Variants in PCDHA3 observed in about 807,000 individuals in gnomAD.
PCDHA3 encodes the protein protocadherin alpha 3, also known as protocadherin alpha-3.
Under a neutral mutation model 62.2 loss-of-function variants are expected in PCDHA3, and 41 were observed. That is an observed-to-expected ratio of 0.66 (90% CI 0.51 to 0.86). The LOEUF is 0.86. Among genes scored for constraint, PCDHA3 ranks in the 40% least tolerant of loss-of-function variants. The probability of loss-of-function intolerance (pLI) is 0.00; values close to 1 mark genes in which losing one functional copy is unlikely to be tolerated. For missense variants in PCDHA3, 1,304 were observed against 1,241.2 expected (o/e 1.05, Z -0.76); for synonymous variants, 640 against 555.4 (o/e 1.15, Z -2.14).
In PCDHA3 at chr5:140,844,977, T is replaced by C. The variant is rs1326529919; in HGVS notation, c.2394+41386T>C. On this transcript the variant is annotated intron_variant, in intron 1 of 3. Transcript: ENST00000522353. ...TTCTTACAGTTTGTTATTAGTATTGTTTTAAATCTTTTAATCACTTATGAA... is the reference window on the plus strand; with the variant it reads ...TTCTTACAGTTTGTTATTAGTATTGCTTTAAATCTTTTAATCACTTATGAA... 1.3e-5 allele frequency among the ~76,000 whole-genome samples: 2 copies of C among 149,260 alleles called. 1 individual carries two copies. Among genetic ancestry groups the C allele is most frequent in the Non-Finnish European group, 3.0e-5 (2 of 66,708 alleles).
chr5:140,808,751 C>T (rs782107494), intron 1 of PCDHA3: 1 of 1,612,214 alleles, frequency 6.2e-7, no homozygotes, highest in South Asian at 1.1e-5. Flanking sequence ...CGCGCTGCAG[C>T]CGCTGGACCA....
At chr5:140,890,276 TC>T (rs1173106367) in intron 1 of PCDHA3, among the ~76,000 whole-genome samples, 2 of 152,136 alleles carry the variant, frequency 1.3e-5, no homozygotes, top group Non-Finnish European at 2.9e-5. Context: ...CAAGAACCAC[TC>T]AGTTGAGTCA....
chr5:140,897,722 T>G (rs1236534951), intron 1 of PCDHA3, among the ~76,000 whole-genome samples: 10 of 152,162 alleles, frequency 6.6e-5, no homozygotes, highest in Admixed American at 6.5e-4. Context: ...GATGGCTGGG[T>G]CAAATAGTAT....
intron 1 of PCDHA3, among the ~76,000 whole-genome samples, chr5:140,959,893 T>A (rs782431808): frequency 6.6e-6 from 1 of 152,194 alleles, no homozygotes; most frequent in Non-Finnish European, 1.5e-5. Flanking sequence ...CGAGTGGGAT[T>A]TATATCAGAA....
At chr5:140,870,631 C>G (rs1554164498) in intron 1 of PCDHA3, 5 of 1,612,864 alleles carry the variant, frequency 3.1e-6, no homozygotes, top group Middle Eastern at 1.7e-4. Flanking sequence ...CGTGTCGGTG[C>G]ACGCGGAGAG....
intron 3 of PCDHA3, among the ~76,000 whole-genome samples, chr5:141,002,380 G>T (rs1284047266): frequency 2.0e-5 from 3 of 152,196 alleles, no homozygotes; most frequent in Non-Finnish European, 2.9e-5. Context: ...CTGGCTTAGG[G>T]CTCCTGCTGG....
Position 140,828,892 on chromosome 5 carries a change from T to C in PCDHA3, c.2394+25301T>C, listed in dbSNP as rs2150160259. ...CAACAGTTATCAGACTGAATGCTTC[T>C]GATCGGGATGAAGGAGCGAATGGGG... is the stretch of plus-strand genomic sequence containing the variant. On this transcript the variant is annotated intron_variant, in intron 1 of 3. Coordinates refer to ENST00000522353, the MANE Select transcript of PCDHA3 (RefSeq NM_018906.3). The C allele has an allele frequency of 1.9e-6, 3 of 1,614,124 alleles. No homozygotes were observed. In the South Asian group the frequency reaches 3.3e-5, roughly 18 times the overall value.
rs150962684 is a variant in PCDHA3, at chr5:140,829,379, G to C, written c.2394+25788G>C. 448 of 1,614,186 alleles carry C rather than the reference G, an allele frequency of 2.8e-4. 2 individuals carry two copies. The African/African-American group carries it at 5.6e-3, about 20-fold the overall frequency. On this transcript the variant is annotated intron_variant, in intron 1 of 3. Transcript: ENST00000522353. ...TGAGTTGGTGGTAACCGCGCGGGACGGGGGCTCGCCTTCGCTGTGGGCCAC... is the reference window on the plus strand; with the variant it reads ...TGAGTTGGTGGTAACCGCGCGGGACCGGGGCTCGCCTTCGCTGTGGGCCAC...
chr5:140,969,205 C>G (rs1046509500), intron 1 of PCDHA3: 6 of 1,614,130 alleles, frequency 3.7e-6, no homozygotes, highest in East Asian at 2.2e-5. Context: ...ATACAGGGGC[C>G]CAGACAGGAC....
chr5:141,004,627 T>C lies in PCDHA3; in HGVS notation c.2543-5000T>C, dbSNP rs538896289. On this transcript the variant is annotated intron_variant, in intron 3 of 3. Transcript: ENST00000522353. ...GCCTCATGCAGAGTCCTGGTTATGG[T>C]TGAAGAAAAATTTCCATTTTGGGCT... 3.9e-5 allele frequency among the ~76,000 whole-genome samples: 6 copies of C among 152,330 alleles called. No individual in the cohort carries two copies. The East Asian group carries it at 1.2e-3, about 29-fold the overall frequency.
At chr5:140,857,221 C>T in intron 1 of PCDHA3, 1 of 1,598,474 alleles carries the variant, frequency 6.3e-7, no homozygotes, top group South Asian at 1.1e-5. Context: ...TGACGCCTCA[C>T]GTTCCGTTCA....
intron 1 of PCDHA3, among the ~76,000 whole-genome samples, chr5:140,948,351 A>C (rs951541212): frequency 6.6e-6 from 1 of 151,646 alleles, no homozygotes; most frequent in African/African-American, 2.4e-5. Flanking sequence ...TTCTAACCTA[A>C]TAAAATGACT....
rs369720251 is a variant in PCDHA3 at position 140,883,769 on chromosome 5, G to A, written c.2394+80178G>A. 9.3e-6 allele frequency: 15 copies of A among 1,612,378 alleles called. No homozygotes were observed. The South Asian group carries it at 1.2e-4, about 13-fold the overall frequency. On this transcript the variant is annotated intron_variant, in intron 1 of 3. Transcript: ENST00000522353. ...CTCGCTGGTGGAGCGGCGGGTGGGC[G>A]AGCGTGCGCTGTCGAGCTACGTGTC...
intron 1 of PCDHA3, chr5:140,927,513 C>T (rs371881938): frequency 2.2e-5 from 36 of 1,614,062 alleles, no homozygotes; most frequent in South Asian, 3.3e-5. Flanking sequence ...CAGCTCGGGA[C>T]GGCGGGCTAC....
At chr5:140,880,687 C>G (rs999356626) in intron 1 of PCDHA3, among the ~76,000 whole-genome samples, 1 of 152,130 alleles carries the variant, frequency 6.6e-6, no homozygotes, top group Non-Finnish European at 1.5e-5. Context: ...AGAGAATAGT[C>G]ATGGTTAAGT....
chr5:140,843,859 T>C lies in PCDHA3; in HGVS notation c.2394+40268T>C, dbSNP rs1779121343. ...GTTTTTAGAAACCTTTTATAATTAA[T>C]TGAATTTTCTCAGTGGCATAATACA... On this transcript the variant is annotated intron_variant, in intron 1 of 3. Coordinates refer to ENST00000522353, the MANE Select transcript of PCDHA3 (RefSeq NM_018906.3). 13 of 919,578 alleles carry C rather than the reference T, an allele frequency of 1.4e-5. No individual in the cohort carries two copies. The East Asian group carries it at 3.1e-4, about 22-fold the overall frequency. The allele number at this position is 919,578 out of a possible 1,614,324, so 57.0% of individuals were successfully genotyped here. A position where few individuals can be genotyped will look rare whatever the true frequency, so the allele number is the denominator to read the frequency against.
chr5:140,914,944 CTT>C (rs35695909), intron 1 of PCDHA3, among the ~76,000 whole-genome samples: 2,964 of 128,208 alleles, frequency 0.023, 99 homozygotes, highest in African/African-American at 0.077. Flanking sequence ...GAAAAGTTGT[CTT>C]TTTTTTTTTT....
rs190376919 is a variant in PCDHA3 at position 140,840,629 on chromosome 5, G to A, written c.2394+37038G>A. Among the ~76,000 whole-genome samples, 4 of 152,140 alleles carry A rather than the reference G, an allele frequency of 2.6e-5. No homozygotes were observed. The East Asian group carries it at 7.7e-4, about 29-fold the overall frequency. On this transcript the variant is annotated intron_variant, in intron 1 of 3. Coordinates refer to ENST00000522353, the MANE Select transcript of PCDHA3 (RefSeq NM_018906.3). ...GAGAGGCTGAATTTAACAAGCTATA[G>A]AGATATAGAGAAATAGTGTAAAGAA...
chr5:140,869,903 C>G, intron 1 of PCDHA3: 1 of 1,610,648 alleles, frequency 6.2e-7, no homozygotes. Flanking sequence ...CTAAACGCCA[C>G]AGACCGAGAC....
Sources: allele counts gnomAD v4.1 joint callset (sites outside exome capture counted in the v4.1 genomes callset), GRCh38; gene constraint gnomAD v4.1.1; transcripts MANE v1.5; gene names NCBI Gene and HGNC (gene_info 2026-07-23, HGNC 2026-07-21).